The following NHSL1 variants were observed in gnomAD, a reference collection of about 807,000 sequenced individuals.
NHSL1 encodes NHS-like protein 1.
NHSL1 carries 48 observed loss-of-function variants against 95.0 expected under a neutral mutation model. The observed-to-expected ratio is 0.51, with a 90% CI of 0.40 to 0.64. The LOEUF (loss-of-function observed/expected upper bound fraction) is 0.64, where lower values mean the gene tolerates loss of function less well. Among genes scored for constraint, NHSL1 ranks in the 30% least tolerant of loss-of-function variants. NHSL1 has a pLI of 0.00. For missense variants in NHSL1, 1,971 were observed against 2,077.7 expected, an observed-to-expected ratio of 0.95 and a Z score of 1.00; for synonymous variants, 783 against 833.9, an observed-to-expected ratio of 0.94 and a Z score of 1.05.
At chr6:138,438,329 A>G (rs1468393399) in intron 5 of NHSL1, among the ~76,000 whole-genome samples, 1 of 152,250 alleles carries the variant, frequency 6.6e-6, no homozygotes, top group African/African-American at 2.4e-5. Context: ...ATTTTTTAGC[A>G]ATCAGGTATT....
In NHSL1 at chr6:138,422,786, C is replaced by T. The variant is rs1774998125; in HGVS notation, c.*1295G>A. Reference sequence around the variant, plus strand: ...ATAAACAAATATAAAAATGCACAAACCAAATGATGCAAAAAAACCTTTTTA... The same window carrying T: ...ATAAACAAATATAAAAATGCACAAATCAAATGATGCAAAAAAACCTTTTTA... On this transcript the variant is annotated 3_prime_UTR_variant, in exon 8 of 8. Transcript: ENST00000343505. The T allele has an allele frequency of 6.6e-6, 1 of 152,096 alleles. No homozygotes were observed. Among genetic ancestry groups the T allele is most frequent in the South Asian group, 2.1e-4 (1 of 4,834 alleles). 9.4% of individuals were successfully genotyped at this position (152,096 alleles called of 1,614,324 possible). A position where few individuals can be genotyped will look rare whatever the true frequency, so the allele number is the denominator to read the frequency against.
chr6:138,692,298 C>G lies in NHSL1; in HGVS notation c.96+178G>C. 5.0e-6 allele frequency: 2 copies of G among 396,168 alleles called. No individual in the cohort carries two copies. The highest frequency in any genetic ancestry group is 1.0e-5 in the Non-Finnish European group (2 of 197,472). 24.5% of individuals were successfully genotyped at this position (396,168 alleles called of 1,614,324 possible). A position where few individuals can be genotyped will look rare whatever the true frequency, so the allele number is the denominator to read the frequency against. On this transcript the variant is annotated intron_variant, in intron 1 of 3. Transcript: ENST00000491526. The surrounding 1 kb of genome is among the most constrained non-coding windows in gnomAD (Gnocchi z 4.0). ...AGGAGTCCGAAAGTCACAGAGCGCT[C>G]TGCGCCCCTGCCACCTGCCCAGCCT...
At chr6:138,523,647 A>G (rs1490297815) in intron 1 of NHSL1, among the ~76,000 whole-genome samples, 2 of 149,226 alleles carry the variant, frequency 1.3e-5, no homozygotes. Context: ...AAAAAAAAAA[A>G]AAAAACAGAG....
exon 1 of NHSL1, chr6:138,571,792 G>A: frequency 6.4e-7 from 1 of 1,552,226 alleles, no homozygotes; most frequent in South Asian, 1.2e-5. Context: ...CTCCATCACT[G>A]CGAAACAGCC....
At position 138,475,717 on chromosome 6, in the gene NHSL1, C is replaced by T. The variant is rs367878579; in HGVS notation, c.212-2284G>A. On this transcript the variant is annotated intron_variant, in intron 2 of 7. Coordinates refer to ENST00000343505, the MANE Select transcript of NHSL1 (RefSeq NM_001144060.2). ...TCCCAGCACTTTGGGAGGTTGAGGC[C>T]GGTGGATCACTTGGCGCTAGGAGTT... Among the ~76,000 whole-genome samples the T allele has an allele frequency of 9.9e-5, 15 of 151,894 alleles. No individual in the cohort carries two copies. The East Asian group carries it at 1.4e-3, about 14-fold the overall frequency.
Position 138,551,021 on chromosome 6 carries a change from A to C in NHSL1, c.202+20689T>G, listed in dbSNP as rs139398955. 2.8e-4 allele frequency among the ~76,000 whole-genome samples: 43 copies of C among 152,314 alleles called. 1 individual carries two copies. Among genetic ancestry groups the C allele is most frequent in the African/African-American group, 1.0e-3 (43 of 41,576 alleles). On this transcript the variant is annotated intron_variant, in intron 1 of 6. Coordinates refer to the NHSL1 transcript ENST00000427025. ...GTTACCCCTGGTCAACTGAGGTCCAAAAATATTAAAACAGAGAGAGATATC... is the reference window on the plus strand; with the variant it reads ...GTTACCCCTGGTCAACTGAGGTCCACAAATATTAAAACAGAGAGAGATATC...
At chr6:138,578,064 T>G (rs1408158218) in intron 1 of NHSL1, among the ~76,000 whole-genome samples, 2 of 152,172 alleles carry the variant, frequency 1.3e-5, no homozygotes, top group Non-Finnish European at 2.9e-5. Flanking sequence ...ACCACTGCTT[T>G]AAAACTTAAA....
intron 1 of NHSL1, among the ~76,000 whole-genome samples, chr6:138,587,964 C>T (rs1377439885): frequency 2.0e-5 from 3 of 152,286 alleles, no homozygotes; most frequent in Non-Finnish European, 4.4e-5. Context: ...CATACACCTT[C>T]ATGGTACAGA....
chr6:138,688,104 C>T (rs1052392940), intron 1 of NHSL1, among the ~76,000 whole-genome samples: 1 of 151,996 alleles, frequency 6.6e-6, no homozygotes, highest in African/African-American at 2.4e-5. Context: ...GGCATGTGCC[C>T]CTATGCCCAG....
At chr6:138,540,736 C>A (rs1018648281) in intron 1 of NHSL1, among the ~76,000 whole-genome samples, 1 of 152,176 alleles carries the variant, frequency 6.6e-6, no homozygotes, top group Non-Finnish European at 1.5e-5. Context: ...TATTATTAGA[C>A]AACTTAAAGG....
intron 5 of NHSL1, among the ~76,000 whole-genome samples, chr6:138,440,541 T>C (rs1218417049): frequency 6.6e-6 from 1 of 151,838 alleles, no homozygotes; most frequent in Non-Finnish European, 1.5e-5. Flanking sequence ...CTGTATACCA[T>C]CTGGGTCACT....
chr6:138,476,012 G>A (rs150009665), intron 2 of NHSL1, among the ~76,000 whole-genome samples: 1 of 152,230 alleles, frequency 6.6e-6, no homozygotes, highest in African/African-American at 2.4e-5. Context: ...TGGCATGGAT[G>A]TAGACAAAAG....
In NHSL1 at chr6:138,430,989, C is replaced by T. The variant is rs770564330; in HGVS notation, c.3356G>A (p.Arg1119Gln). ...HLKPSAFLKS[R>Q]NSTNEMESES... ...ACTCTCCATTTCATTTGTGCTATTT[C>T]GGGATTTCAGGAAAGCAGATGGCTT... The change falls in exon 6 of 8, where the codon CGA (arginine) becomes CAA (glutamine). Residue 1119 changes from arginine (R) to glutamine (Q), a missense_variant. Around this residue, in one of 3 missense-constraint regions of NHSL1, gnomAD observed 1,602 missense variants for 1,654.5 expected, o/e 0.97. Coordinates refer to ENST00000343505, the MANE Select transcript of NHSL1 (RefSeq NM_001144060.2). The surrounding 1 kb of genome is among the most constrained non-coding windows in gnomAD (Gnocchi z 4.7). 3.9e-6 allele frequency: 6 copies of T among 1,551,996 alleles called. No individual in the cohort carries two copies. The highest frequency in any genetic ancestry group is 2.4e-5 in the East Asian group (1 of 40,930).
chr6:138,617,808 C>T (rs1201267242), intron 1 of NHSL1, among the ~76,000 whole-genome samples: 1 of 152,214 alleles, frequency 6.6e-6, no homozygotes, highest in Non-Finnish European at 1.5e-5. Context: ...GTGTGTCCCT[C>T]TCCCTGTCAG....
chr6:138,655,943 G>A (rs1165806323), intron 1 of NHSL1, among the ~76,000 whole-genome samples: 2 of 152,150 alleles, frequency 1.3e-5, no homozygotes, highest in South Asian at 2.1e-4. Flanking sequence ...CAGTTCCGAT[G>A]TGATGAAAGC....
chr6:138,439,379 T>G (rs1418081677), intron 5 of NHSL1, among the ~76,000 whole-genome samples: 1 of 152,200 alleles, frequency 6.6e-6, no homozygotes, highest in Admixed American at 6.5e-5. Context: ...AAATATAAAG[T>G]GTCTATTTTT....
At chr6:138,524,338 A>G (rs1452551459) in intron 1 of NHSL1, among the ~76,000 whole-genome samples, 1 of 152,188 alleles carries the variant, frequency 6.6e-6, no homozygotes, top group African/African-American at 2.4e-5. Flanking sequence ...ACCCAGATCA[A>G]GATAGAGATC....
intron 1 of NHSL1, among the ~76,000 whole-genome samples, chr6:138,609,943 C>T (rs1784486853): frequency 6.6e-6 from 1 of 152,070 alleles, no homozygotes. Context: ...GCCATCCTTC[C>T]ATGAAATGTC....
intron 1 of NHSL1, among the ~76,000 whole-genome samples, chr6:138,609,624 C>T (rs1319889555): frequency 9.9e-5 from 15 of 151,848 alleles, no homozygotes; most frequent in Admixed American, 9.8e-4. Flanking sequence ...GTGGCAGGCA[C>T]CTGTAGTCCC....
Sources: gnomAD v4.1 joint callset for allele counts (sites outside exome capture counted in the v4.1 genomes callset) on GRCh38, gnomAD v4.1.1 for gene constraint, gnomAD v4.1.1 regional missense constraint, Gnocchi (gnomAD v3.1) non-coding constraint, MANE v1.5 for transcripts, NCBI Gene and HGNC (gene_info 2026-07-23, HGNC 2026-07-21) for gene names.